The following FBLN2 variants were observed in gnomAD, a reference collection of about 807,000 sequenced individuals.
The protein encoded by FBLN2 is fibulin-2.
FBLN2 carries 81 observed loss-of-function variants against 123.7 expected under a neutral mutation model. That is an observed-to-expected ratio of 0.65 (90% CI 0.55 to 0.79). FBLN2 has a LOEUF of 0.79. FBLN2 is among the 30% of genes least tolerant of loss of function. The pLI is 0.00. For synonymous variants in FBLN2, 699 were observed against 701.4 expected (o/e 1.00, Z 0.05); for missense variants, 1,603 against 1,681.3 (o/e 0.95, Z 0.81).
At chr3:13,550,017 C>T (rs759880119) in intron 1 of FBLN2, among the ~76,000 whole-genome samples, 1 of 152,242 alleles carries the variant, frequency 6.6e-6, no homozygotes, top group Admixed American at 6.5e-5. Context: ...ATATCTCCAT[C>T]ATATGTATCA....
intron 2 of FBLN2, among the ~76,000 whole-genome samples, chr3:13,599,701 C>T (rs114466668): frequency 0.015 from 2,257 of 149,374 alleles, 60 homozygotes; most frequent in African/African-American, 0.053. Flanking sequence ...TGGAGGGAGG[C>T]GGGGGATGAG....
intron 2 of FBLN2, among the ~76,000 whole-genome samples, chr3:13,605,939 T>C (rs1705188211): frequency 6.6e-6 from 1 of 152,214 alleles, no homozygotes; most frequent in African/African-American, 2.4e-5. Flanking sequence ...TTATTATTTT[T>C]TGAGACAGAG....
At chr3:13,579,130 G>A (rs1449529814) in intron 2 of FBLN2, among the ~76,000 whole-genome samples, 1 of 152,164 alleles carries the variant, frequency 6.6e-6, no homozygotes, top group African/African-American at 2.4e-5. Flanking sequence ...GTGCACAAGG[G>A]TTCCAGTTTC....
At chr3:13,567,551 T>A (rs912411610) in intron 1 of FBLN2, among the ~76,000 whole-genome samples, 13 of 152,238 alleles carry the variant, frequency 8.5e-5, no homozygotes, top group African/African-American at 2.9e-4. Flanking sequence ...AGAGACAGGG[T>A]TTCACCACGT....
Position 13,629,152 on chromosome 3 carries a change from C to T in FBLN2, c.2714-12C>T, listed in dbSNP as rs753039197. The T allele has an allele frequency of 5.0e-6, 8 of 1,612,768 alleles. No individual in the cohort carries two copies. The highest frequency in any genetic ancestry group is 1.1e-5 in the South Asian group (1 of 91,050). On this transcript the variant is annotated splice_polypyrimidine_tract_variant and intron_variant, in intron 12 of 17. Transcript: ENST00000404922. ...GCCCCAGGCCTCAAGGTACCCTGCT[C>T]ACCCCCCACAGACGTGAATGAGTGT...
rs753655630 is a variant in FBLN2 at position 13,614,037 on chromosome 3, G to A, written c.1602G>A (p.Ser534=). ...TCCGCGTGCGGGCCGAGGGCCAGTCGTGTGAGTCCAATCCTAACCTGGGCT... is the reference window on the plus strand; with the variant it reads ...TCCGCGTGCGGGCCGAGGGCCAGTCATGTGAGTCCAATCCTAACCTGGGCT... ...LGLRVRAEGQ[S]CESNPNLGYP... Residue 534 remains serine (S), a synonymous_variant, in exon 5 of 18, where the codon TCG becomes TCA. Transcript: ENST00000404922. 18 of 1,613,454 alleles carry A rather than the reference G, an allele frequency of 1.1e-5. No homozygotes were observed. Among genetic ancestry groups the A allele is most frequent in the South Asian group, 1.1e-4 (10 of 91,092 alleles).
At chr3:13,601,764 C>A (rs1314706578) in intron 2 of FBLN2, among the ~76,000 whole-genome samples, 1 of 152,166 alleles carries the variant, frequency 6.6e-6, no homozygotes, top group African/African-American at 2.4e-5. Flanking sequence ...TAAACTCATC[C>A]ACAAGAGGCT....
chr3:13,570,234 C>A, intron 1 of FBLN2, 81 bp from the exon 2 acceptor site: 1 of 1,411,736 alleles, frequency 7.1e-7, no homozygotes, highest in South Asian at 1.5e-5. Context: ...AGGCTGGGCC[C>A]CTGCCCGCGT....
rs1706167664 is a variant in FBLN2, at chr3:13,629,300, G to A, written c.2842+8G>A. 3.7e-6 allele frequency: 6 copies of A among 1,603,234 alleles called. No homozygotes were observed. Among genetic ancestry groups the A allele is most frequent in the Non-Finnish European group, 5.1e-6 (6 of 1,176,076 alleles). On this transcript the variant is annotated splice_region_variant and intron_variant, in intron 13 of 17. Transcript: ENST00000404922. ...TTGGCCGGGGCTGCATCGGTAGGTAGGCTGGTGGCCAGGACCCCTGGGGAA... is the reference window on the plus strand; with the variant it reads ...TTGGCCGGGGCTGCATCGGTAGGTAAGCTGGTGGCCAGGACCCCTGGGGAA...
At chr3:13,578,270 G>A (rs1704212020) in intron 2 of FBLN2, among the ~76,000 whole-genome samples, 1 of 152,216 alleles carries the variant, frequency 6.6e-6, no homozygotes, top group Non-Finnish European at 1.5e-5. Flanking sequence ...TAGATTTGGA[G>A]TTGTGCAGAC....
At chr3:13,578,438 C>T (rs936370721) in intron 2 of FBLN2, among the ~76,000 whole-genome samples, 2 of 152,186 alleles carry the variant, frequency 1.3e-5, no homozygotes, top group Non-Finnish European at 2.9e-5. Flanking sequence ...CCTGGACTCT[C>T]TGGGAATCAT....
At chr3:13,559,191 A>G (rs1574942360) in intron 1 of FBLN2, among the ~76,000 whole-genome samples, 1 of 152,078 alleles carries the variant, frequency 6.6e-6, no homozygotes, top group South Asian at 2.1e-4. Context: ...GTATGTGCCC[A>G]TATGTCTGTT....
intron 2 of FBLN2, among the ~76,000 whole-genome samples, chr3:13,579,936 C>T (rs1334133123): frequency 2.6e-5 from 4 of 152,226 alleles, no homozygotes; most frequent in African/African-American, 4.8e-5. Context: ...AGAGCCGGCC[C>T]TAGGAAGCCT....
intron 16 of FBLN2, among the ~76,000 whole-genome samples, 192 bp from the exon 17 acceptor site, chr3:13,636,253 G>C (rs2124915637): frequency 6.6e-6 from 1 of 152,322 alleles, no homozygotes; most frequent in South Asian, 2.1e-4. Flanking sequence ...TGAGGTGATT[G>C]ACACTTTAGA....
chr3:13,592,901 T>G (rs748017701), intron 2 of FBLN2, among the ~76,000 whole-genome samples: 2 of 152,184 alleles, frequency 1.3e-5, no homozygotes, highest in Non-Finnish European at 2.9e-5. Flanking sequence ...CTCAGGTGTT[T>G]GTGGTCAGCT....
intron 1 of FBLN2, among the ~76,000 whole-genome samples, chr3:13,563,488 C>T (rs1393465341): frequency 2.0e-5 from 3 of 152,252 alleles, no homozygotes; most frequent in Non-Finnish European, 4.4e-5. Context: ...CATGGCTTCT[C>T]GTGGGTCACT....
At chr3:13,630,674 T>C in intron 14 of FBLN2, 25 bp from the exon 15 acceptor site, 3 of 1,561,052 alleles carry the variant, frequency 1.9e-6, no homozygotes, top group Non-Finnish European at 2.6e-6. Flanking sequence ...GGCCCTGCCA[T>C]GACTGCCTGC....
At position 13,637,679 on chromosome 3, in the gene FBLN2, C is replaced by T; in HGVS notation, c.3456C>T (p.Arg1152=). 6.2e-7 allele frequency: 1 copy of T among 1,613,996 alleles called. No individual in the cohort carries two copies. The highest frequency in any genetic ancestry group is 1.3e-5 in the African/African-American group (1 of 75,080). The change falls in exon 18 of 18, where the codon CGC becomes CGT. Residue 1152 remains arginine (R), a synonymous_variant. Coordinates refer to ENST00000404922, the MANE Select transcript of FBLN2 (RefSeq NM_001004019.2). Reference sequence around the variant, plus strand: ...TCCTGGTGCCTGCGCATATCTTCCGCATTGGCCCCGCGCCAGCCTTCACGG... The same window carrying T: ...TCCTGGTGCCTGCGCATATCTTCCGTATTGGCCCCGCGCCAGCCTTCACGG... ...TGLLVPAHIF[R]IGPAPAFTGD... is the part of the protein sequence containing the mutation.
chr3:13,616,047 G>A (rs1705591012), intron 5 of FBLN2, among the ~76,000 whole-genome samples: 2 of 152,328 alleles, frequency 1.3e-5, no homozygotes, highest in South Asian at 4.1e-4. Context: ...TCCCATCAGG[G>A]TGAGGCAGAG....
Sources: gnomAD v4.1 joint callset for allele counts (sites outside exome capture counted in the v4.1 genomes callset) on GRCh38, gnomAD v4.1.1 for gene constraint, MANE v1.5 for transcripts, NCBI Gene and HGNC (gene_info 2026-07-23, HGNC 2026-07-21) for gene names.